SACS: variants seen among roughly 807,000 people sequenced by gnomAD.
The protein encoded by SACS is sacsin.
SACS carries 197 observed loss-of-function variants against 348.0 expected under a neutral mutation model. The observed-to-expected ratio is 0.57, with a 90% CI of 0.50 to 0.64. The LOEUF is 0.64. Among genes scored for constraint, SACS ranks in the 30% least tolerant of loss-of-function variants. The pLI, the probability that SACS is intolerant of heterozygous loss-of-function variation, is 0.00. For missense variants in SACS, 4,999 were observed against 5,360.8 expected, an observed-to-expected ratio of 0.93 and a Z score of 2.11; for synonymous variants, 1,985 against 1,910.6, an observed-to-expected ratio of 1.04 and a Z score of -1.02.
At position 23,355,743 on chromosome 13, in the gene SACS, T is replaced by C. The variant is rs1156953218; in HGVS notation, c.869A>G (p.Gln290Arg). Residue 290 changes from glutamine to arginine, a missense_variant, in exon 8 of 10, where the codon CAG (glutamine) becomes CGG (arginine). This residue lies in a region of SACS where 3,156 missense variants were observed against 3,380.1 expected (regional missense o/e 0.93). Transcript: ENST00000382292. Reference protein sequence around the residue: ...SQLSSNLYNKQKVLELFESFR... With the variant: ...SQLSSNLYNKRKVLELFESFR... ...AGACTCAAACAACTCAAGAACCTTC[T>C]GCTTATTGTAGAGGTTACTACTAAG... is the stretch of plus-strand genomic sequence containing the variant. The C allele has an allele frequency of 1.2e-6, 2 of 1,614,094 alleles. No individual in the cohort carries two copies. Among genetic ancestry groups the C allele is most frequent in the Admixed American group, 3.3e-5 (2 of 60,004 alleles).
Position 23,354,583 on chromosome 13 carries a change from C to A in SACS, c.2029G>T (p.Val677Phe). 2 of 1,614,182 alleles carry A rather than the reference C, an allele frequency of 1.2e-6. No homozygotes were observed. The highest frequency in any genetic ancestry group is 1.7e-6 in the Non-Finnish European group (2 of 1,180,036). The stretch of plus-strand genomic sequence containing the variant: ...TCTGATACAGATGAGGAGAAGGGGA[C>A]AAAATTGCCATTTTGTAAAGGGAGC... ...ELLPLQNGNF[V>F]PFSSSVSDQD... Residue 677 changes from valine (V) to phenylalanine (F), a missense_variant, in exon 8 of 10, where the codon GTC becomes TTC. Val to Phe is a conservative substitution (Grantham distance 50). Transcript: ENST00000382292.
chr13:23,390,889 G>A (rs928443271), intron 2 of SACS, among the ~76,000 whole-genome samples: 5 of 152,116 alleles, frequency 3.3e-5, no homozygotes, highest in Non-Finnish European at 7.4e-5. Context: ...CACTGAGCTC[G>A]CTCTGGTGCT....
Position 23,355,583 on chromosome 13 carries a change from A to G in SACS, c.1029T>C (p.His343=), listed in dbSNP as rs751329217. The change falls in exon 8 of 10, where the codon CAT becomes CAC. Residue 343 remains histidine (H), a synonymous_variant. Transcript: ENST00000382292. ...GAATCTTTATAGAATTCGGCCGCTC[A>G]TGTTTCAGTGCCTTACTCTCACTCG... The part of the protein sequence containing the change: ...VTSSESKALK[H]ERPNSIKILG... The G allele has an allele frequency of 8.7e-6, 14 of 1,614,028 alleles. No homozygotes were observed. Among genetic ancestry groups the G allele is most frequent in the Non-Finnish European group, 5.1e-6 (6 of 1,180,018 alleles).
intron 2 of SACS, among the ~76,000 whole-genome samples, chr13:23,391,058 G>A (rs1272000922): frequency 2.0e-5 from 3 of 152,246 alleles, no homozygotes; most frequent in Non-Finnish European, 1.5e-5. Context: ...GCAACACAGG[G>A]TCTCTGGGAA....
intron 1 of SACS, among the ~76,000 whole-genome samples, chr13:23,418,263 T>C (rs1873766394): frequency 6.6e-6 from 1 of 152,126 alleles, no homozygotes; most frequent in African/African-American, 2.4e-5. Flanking sequence ...TAATTTATAT[T>C]TATCTTTCAT....
In SACS at chr13:23,329,441, C is replaced by T. The variant is rs777195568; in HGVS notation, c.*695G>A. Reference sequence around the variant, plus strand: ...ACTAACAACTGGTAATAAGAACTGCCACCATTTTGAGTTTTCCGTTGCTAT... The same window carrying T: ...ACTAACAACTGGTAATAAGAACTGCTACCATTTTGAGTTTTCCGTTGCTAT... On this transcript the variant is annotated 3_prime_UTR_variant, in exon 10 of 10. Transcript: ENST00000382292. The T allele has an allele frequency of 2.3e-5, 18 of 768,992 alleles. No homozygotes were observed. The highest frequency in any genetic ancestry group is 1.8e-4 in the Admixed American group (10 of 56,576). The allele number at this position is 768,992 out of a possible 1,614,324, so 47.6% of individuals were successfully genotyped here.
At position 23,354,633 on chromosome 13, in the gene SACS, T is replaced by A; in HGVS notation, c.1979A>T (p.Tyr660Phe). The A allele has an allele frequency of 6.2e-7, 1 of 1,614,274 alleles. No homozygotes were observed. Among genetic ancestry groups the A allele is most frequent in the Non-Finnish European group, 8.5e-7 (1 of 1,180,050 alleles). The change falls in exon 8 of 10, where the codon TAC (tyrosine) becomes TTC (phenylalanine). Residue 660 changes from tyrosine to phenylalanine, a missense_variant. By Grantham distance (22) the Tyr-to-Phe change is conservative. Around this residue, in one of 6 missense-constraint regions of SACS, gnomAD observed 3,156 missense variants for 3,380.1 expected, o/e 0.93. Transcript: ENST00000382292. Reference sequence around the variant, plus strand: ...CAGCTCCAGCCCAAGCAGCTCACTGTAGGCTTGGTCAGAAAGCACAAATTC... The same window carrying A: ...CAGCTCCAGCCCAAGCAGCTCACTGAAGGCTTGGTCAGAAAGCACAAATTC... ...LLEFVLSDQA[Y>F]SELLGLELLP...
At chr13:23,407,582 T>C (rs1873287675) in intron 2 of SACS, among the ~76,000 whole-genome samples, 1 of 152,154 alleles carries the variant, frequency 6.6e-6, no homozygotes, top group Non-Finnish European at 1.5e-5. Context: ...CAACAGATGG[T>C]TCAGCTGGTC....
intron 9 of SACS, among the ~76,000 whole-genome samples, chr13:23,351,636 C>T (rs1015366000): frequency 1.3e-5 from 2 of 152,064 alleles, no homozygotes; most frequent in African/African-American, 4.8e-5. Context: ...TACAAATTAC[C>T]CAGTCTCAAG....
At position 23,340,950 on chromosome 13, in the gene SACS, G is replaced by T. The variant is rs139993038; in HGVS notation, c.2926C>A (p.Arg976Ser). 2.2e-4 allele frequency: 360 copies of T among 1,613,992 alleles called. No homozygotes were observed. In the African/African-American group the frequency reaches 4.4e-3, roughly 20 times the overall value. Residue 976 changes from arginine (R) to serine (S), a missense_variant, in exon 10 of 10, where the codon CGT becomes AGT. Arg to Ser is a moderately radical substitution (Grantham distance 110). Around this residue, in one of 6 missense-constraint regions of SACS, gnomAD observed 3,156 missense variants for 3,380.1 expected, o/e 0.93. Transcript: ENST00000382292. ...VIDSSDEATI[R>S]LANMLKIEQL... ...TCTATTTTCAACATGTTTGCCAGAC[G>T]AATAGTAGCTTCATCACTACTGTCT... is the stretch of plus-strand genomic sequence containing the variant.
chr13:23,420,216 T>C (rs1873870498), intron 1 of SACS, among the ~76,000 whole-genome samples: 1 of 152,086 alleles, frequency 6.6e-6, no homozygotes, highest in South Asian at 2.1e-4. Flanking sequence ...ATCTTGGACT[T>C]GGTGTTTACC....
In SACS at chr13:23,339,344, T is replaced by C; in HGVS notation, c.4532A>G (p.Asp1511Gly). 1 of 1,613,344 alleles carries C rather than the reference T, an allele frequency of 6.2e-7. No individual in the cohort carries two copies. The highest frequency in any genetic ancestry group is 8.5e-7 in the Non-Finnish European group (1 of 1,179,720). ...TCCATGACAAGCTGCCATCCCTGGGTCTAGGAGATTCTCTCTTATGTCCAT... is the reference window on the plus strand; with the variant it reads ...TCCATGACAAGCTGCCATCCCTGGGCCTAGGAGATTCTCTCTTATGTCCAT... Reference protein sequence around the residue: ...RNMDIRENLLDPGMAACHGPA... With the variant: ...RNMDIRENLLGPGMAACHGPA... Residue 1511 changes from aspartate (D) to glycine (G), a missense_variant, in exon 10 of 10, where the codon GAC (aspartate) becomes GGC (glycine). Physicochemically the swap from Asp to Gly is moderately conservative, Grantham distance 94. Coordinates refer to ENST00000382292, the MANE Select transcript of SACS (RefSeq NM_014363.6).
intron 2 of SACS, chr13:23,375,631 C>G: frequency 2.1e-6 from 2 of 931,848 alleles, no homozygotes; most frequent in Non-Finnish European, 2.6e-6. Flanking sequence ...GGACCGTTAG[C>G]TGGGGATCCG....
At chr13:23,415,326 C>T (rs894732727) in intron 1 of SACS, among the ~76,000 whole-genome samples, 18 of 152,228 alleles carry the variant, frequency 1.2e-4, no homozygotes, top group African/African-American at 3.6e-4. Flanking sequence ...AGCCACTGCA[C>T]CCAGCCCAGT....
At chr13:23,420,821 T>C (rs1429819057) in intron 1 of SACS, among the ~76,000 whole-genome samples, 2 of 151,584 alleles carry the variant, frequency 1.3e-5, no homozygotes, top group Non-Finnish European at 2.9e-5. Context: ...CCCAAGACAT[T>C]TGGAGTCAAG....
intron 1 of SACS, among the ~76,000 whole-genome samples, chr13:23,414,102 A>AGACCATCCT (rs1873610391): frequency 6.6e-6 from 1 of 152,194 alleles, no homozygotes; most frequent in African/African-American, 2.4e-5. Flanking sequence ...CAGGAGATCC[A>AGACCATCCT]GACCATCCTG....
intron 2 of SACS, among the ~76,000 whole-genome samples, chr13:23,397,662 G>A (rs556969317): frequency 1.3e-5 from 2 of 152,272 alleles, no homozygotes; most frequent in African/African-American, 4.8e-5. Flanking sequence ...TCACATTTAA[G>A]AGCTAAGGTT....
intron 2 of SACS, among the ~76,000 whole-genome samples, chr13:23,400,415 T>C (rs1447153570): frequency 1.3e-5 from 2 of 152,018 alleles, no homozygotes; most frequent in Non-Finnish European, 2.9e-5. Context: ...TTATTTTTAT[T>C]TACTTATTTT....
Position 23,355,811 on chromosome 13 carries a change from T to C in SACS, c.801A>G (p.Pro267=), listed in dbSNP as rs747936166. The change falls in exon 8 of 10, where the codon CCA becomes CCG. Residue 267 remains proline (P), a synonymous_variant. Transcript: ENST00000382292. ...GAAGAGGGAAACGGAAAAATGTTCC[T>C]GGAAAATTGCCGTTTATAAATGTTT... is the stretch of plus-strand genomic sequence containing the variant. ...TKETFINGNF[P]GTFFRFPLRL... 2 of 1,614,206 alleles carry C rather than the reference T, an allele frequency of 1.2e-6. No individual in the cohort carries two copies. Among genetic ancestry groups the C allele is most frequent in the Admixed American group, 3.3e-5 (2 of 60,018 alleles).
Sources: allele counts gnomAD v4.1 joint callset (sites outside exome capture counted in the v4.1 genomes callset), GRCh38; gene constraint gnomAD v4.1.1; regional missense constraint gnomAD v4.1.1; transcripts MANE v1.5; gene names NCBI Gene and HGNC (gene_info 2026-07-23, HGNC 2026-07-21).